Variants in STPG2 observed in about 807,000 individuals in gnomAD.
STPG2 encodes the protein sperm-tail PG-rich repeat-containing protein 2.
Under a neutral mutation model 54.2 loss-of-function variants are expected in STPG2, and 56 were observed. The ratio of observed to expected loss-of-function variants is 1.03; its 90% CI spans 0.83 to 1.29. The LOEUF is 1.29. Among genes scored for constraint, STPG2 ranks in the 50% most tolerant of loss-of-function variants. The probability of loss-of-function intolerance (pLI) is 0.00; values close to 1 mark genes in which losing one functional copy is unlikely to be tolerated. For missense variants in STPG2, 596 were observed against 544.9 expected, an observed-to-expected ratio of 1.09 and a Z score of -0.93; for synonymous variants, 200 against 181.8, an observed-to-expected ratio of 1.10 and a Z score of -0.81.
chr4:97,501,326 T>C (rs563912946), intron 4 of STPG2, among the ~76,000 whole-genome samples: 1 of 150,828 alleles, frequency 6.6e-6, no homozygotes, highest in African/African-American at 2.4e-5. Flanking sequence ...TTCAAAGAAA[T>C]AGCATACATG....
intron 7 of STPG2, among the ~76,000 whole-genome samples, chr4:97,959,584 T>TA (rs1404968736): frequency 1.3e-5 from 2 of 150,790 alleles, no homozygotes; most frequent in African/African-American, 4.8e-5. Context: ...TCTTTATACA[T>TA]AAAAACTAGA....
chr4:97,928,980 C>T (rs553705702), intron 8 of STPG2, among the ~76,000 whole-genome samples: 8 of 152,168 alleles, frequency 5.3e-5, no homozygotes, highest in African/African-American at 1.9e-4. Flanking sequence ...TTTCACAACC[C>T]AGGTATTAAG....
chr4:97,641,466 A>G (rs1338367010), intron 10 of STPG2, among the ~76,000 whole-genome samples: 1 of 151,604 alleles, frequency 6.6e-6, no homozygotes, highest in Non-Finnish European at 1.5e-5. Context: ...ATATATGAAC[A>G]TTCATATCTA....
intron 4 of STPG2, among the ~76,000 whole-genome samples, chr4:97,522,302 G>A (rs995234904): frequency 1.3e-5 from 2 of 151,804 alleles, no homozygotes; most frequent in South Asian, 2.1e-4. Flanking sequence ...GTTTACATGT[G>A]TTTTTCTTCC....
At chr4:97,972,533 A>G in intron 6 of STPG2, 93 bp from the exon 7 acceptor site, 4 of 730,002 alleles carry the variant, frequency 5.5e-6, no homozygotes, top group Non-Finnish European at 6.0e-6. Context: ...TTTTTTTCTA[A>G]ATAAAAAACC....
At chr4:97,969,093 G>T (rs1230265035) in intron 7 of STPG2, among the ~76,000 whole-genome samples, 1 of 152,220 alleles carries the variant, frequency 6.6e-6, no homozygotes, top group Non-Finnish European at 1.5e-5. Context: ...GCTCTTCTAG[G>T]TCTTTTTAGG....
intron 10 of STPG2, among the ~76,000 whole-genome samples, chr4:97,634,188 AC>A (rs1167392526): frequency 2.0e-5 from 3 of 151,926 alleles, no homozygotes; most frequent in Non-Finnish European, 2.9e-5. Flanking sequence ...CTGACCCCTG[AC>A]CCCCGAGCAC....
intron 9 of STPG2, among the ~76,000 whole-genome samples, chr4:97,779,280 C>A (rs1726509460): frequency 6.6e-6 from 1 of 151,876 alleles, no homozygotes; most frequent in Non-Finnish European, 1.5e-5. Context: ...AACTACATGA[C>A]AAATGTACAA....
intron 8 of STPG2, among the ~76,000 whole-genome samples, chr4:97,869,561 C>G (rs549833182): frequency 6.6e-6 from 1 of 151,474 alleles, no homozygotes; most frequent in Non-Finnish European, 1.5e-5. Flanking sequence ...GAAAAGACAA[C>G]CCTTGATTAG....
At chr4:97,687,172 G>A (rs1164130153) in intron 10 of STPG2, among the ~76,000 whole-genome samples, 2 of 151,596 alleles carry the variant, frequency 1.3e-5, no homozygotes, top group South Asian at 2.1e-4. Flanking sequence ...GGATGGTCTC[G>A]ATCTCCCGAC....
chr4:97,486,898 A>AC (rs1257291784), intron 4 of STPG2, among the ~76,000 whole-genome samples: 1,517 of 125,370 alleles, frequency 0.012, 23 homozygotes, highest in African/African-American at 0.046. Flanking sequence ...CACACACACA[A>AC]TGGAATACTA....
At chr4:97,764,561 T>G (rs1335326884) in intron 9 of STPG2, among the ~76,000 whole-genome samples, 1 of 152,110 alleles carries the variant, frequency 6.6e-6, no homozygotes, top group Non-Finnish European at 1.5e-5. Flanking sequence ...CTTCACAGAT[T>G]AGAGAGGTAA....
intron 5 of STPG2, among the ~76,000 whole-genome samples, chr4:98,061,165 G>A (rs35742759): frequency 0.39 from 59,975 of 151,984 alleles, 12,057 homozygotes; most frequent in Middle Eastern, 0.46. Context: ...TACATACTAT[G>A]CATCTGACAA....
intron 9 of STPG2, among the ~76,000 whole-genome samples, chr4:97,762,239 C>T (rs920266142): frequency 2.0e-5 from 3 of 152,044 alleles, no homozygotes; most frequent in African/African-American, 7.2e-5. Flanking sequence ...AGCAAAATGA[C>T]TCATTTTCCA....
intron 4 of STPG2, 63 bp from the exon 5 acceptor site, chr4:98,106,127 G>C: frequency 8.9e-7 from 1 of 1,124,376 alleles, no homozygotes; most frequent in East Asian, 2.9e-5. Context: ...ATTTATGTAA[G>C]CAAAGAAATT....
chr4:97,529,296 G>A (rs547646653), intron 4 of STPG2, among the ~76,000 whole-genome samples: 30 of 152,246 alleles, frequency 2.0e-4, no homozygotes, highest in East Asian at 1.2e-3. Flanking sequence ...ATTAATTTGC[G>A]TATGTTGAAC....
chr4:98,071,502 A>T (rs956881765), intron 5 of STPG2, among the ~76,000 whole-genome samples: 1 of 152,184 alleles, frequency 6.6e-6, no homozygotes, highest in Non-Finnish European at 1.5e-5. Context: ...ACATAGGCAC[A>T]GGCAAAGATT....
At chr4:97,669,112 A>G (rs192427765) in intron 10 of STPG2, among the ~76,000 whole-genome samples, 63 of 152,230 alleles carry the variant, frequency 4.1e-4, no homozygotes, top group African/African-American at 1.5e-3. Flanking sequence ...GCAAATAGAG[A>G]AGAGACTAGC....
intron 8 of STPG2, among the ~76,000 whole-genome samples, chr4:97,883,154 C>T (rs1730439722): frequency 6.6e-6 from 1 of 150,970 alleles, no homozygotes; most frequent in Non-Finnish European, 1.5e-5. Context: ...CTTGTCTCTA[C>T]AGAAATATAT....
Sources: gnomAD v4.1 joint callset for allele counts (sites outside exome capture counted in the v4.1 genomes callset) on GRCh38, gnomAD v4.1.1 for gene constraint, MANE v1.5 for transcripts, NCBI Gene and HGNC (gene_info 2026-07-23, HGNC 2026-07-21) for gene names.